The following AJAP1 variants were observed in gnomAD, a reference collection of about 807,000 sequenced individuals.
AJAP1 encodes the protein adherens junctions associated protein 1, also known as adherens junction-associated protein 1.
AJAP1 carries 5 observed loss-of-function variants against 35.0 expected under a neutral mutation model. That is an observed-to-expected ratio of 0.14 (90% CI 0.07 to 0.30). The LOEUF is 0.30. AJAP1 is among the 10% of genes least tolerant of loss of function. The probability of loss-of-function intolerance (pLI) is 1.00; values close to 1 mark genes in which losing one functional copy is unlikely to be tolerated. For synonymous variants in AJAP1, 284 were observed against 249.3 expected (o/e 1.14, Z -1.31); for missense variants, 586 against 571.0 (o/e 1.03, Z -0.27).
intron 1 of AJAP1, among the ~76,000 whole-genome samples, chr1:4,699,549 T>A (rs1465954320): frequency 2.0e-5 from 3 of 152,160 alleles, no homozygotes; most frequent in Non-Finnish European, 4.4e-5. Flanking sequence ...CCATCAAGAA[T>A]GAGCTATAGC....
At chr1:4,675,469 C>T (rs1219163761) in intron 1 of AJAP1, among the ~76,000 whole-genome samples, 1 of 152,320 alleles carries the variant, frequency 6.6e-6, no homozygotes, top group East Asian at 1.9e-4. Context: ...GGGGAAGCCC[C>T]TGGCCTTGGT....
Position 4,712,659 on chromosome 1 carries a change from G to A in AJAP1, c.789G>A (p.Gly263=), listed in dbSNP as rs1570144920. The A allele has an allele frequency of 6.6e-7, 1 of 1,525,884 alleles. No homozygotes were observed. The highest frequency in any genetic ancestry group is 1.4e-5 in the African/African-American group (1 of 72,184). The allele number at this position is 1,525,884 out of a possible 1,614,324, so 94.5% of individuals were successfully genotyped here. The change falls in exon 2 of 6, where the codon GGG becomes GGA. Residue 263 remains glycine, a synonymous_variant. Coordinates refer to ENST00000378191, the MANE Select transcript of AJAP1 (RefSeq NM_018836.4). ...CTTCCACCAGTCCCAGCAACAACGG[G>A]GAAGTCACCCAGCCCCCAAGGATTC... ...TEPSTSPSNN[G]EVTQPPRILG...
At chr1:4,763,082 A>G (rs1022519114) in intron 2 of AJAP1, among the ~76,000 whole-genome samples, 1 of 152,206 alleles carries the variant, frequency 6.6e-6, no homozygotes, top group Non-Finnish European at 1.5e-5. Flanking sequence ...CCTCCAACCC[A>G]AGGCTTCAGC....
intron 1 of AJAP1, among the ~76,000 whole-genome samples, chr1:4,703,055 G>A (rs147121473): frequency 6.6e-6 from 1 of 152,128 alleles, no homozygotes; most frequent in Non-Finnish European, 1.5e-5. Context: ...CGCTGGACGT[G>A]TCCGGGCCTG....
rs1642154638 is a variant in AJAP1 at position 4,785,991 on chromosome 1, T to C, written c.*3506T>C. 1.3e-5 allele frequency: 2 copies of C among 152,340 alleles called. No individual in the cohort carries two copies. The highest frequency in any genetic ancestry group is 1.3e-4 in the Admixed American group (2 of 15,306). The allele number at this position is 152,340 out of a possible 1,614,324, so 9.4% of individuals were successfully genotyped here. On this transcript the variant is annotated 3_prime_UTR_variant, in exon 6 of 6. Coordinates refer to ENST00000378191, the MANE Select transcript of AJAP1 (RefSeq NM_018836.4). ...AAAGTCGCTGCTAGTCTTCACACGCTTGATGTCACTTTGTCTGATTGGAAT... is the reference window on the plus strand; with the variant it reads ...AAAGTCGCTGCTAGTCTTCACACGCCTGATGTCACTTTGTCTGATTGGAAT...
At chr1:4,725,438 G>A (rs1640632535) in intron 2 of AJAP1, among the ~76,000 whole-genome samples, 2 of 152,168 alleles carry the variant, frequency 1.3e-5, no homozygotes, top group Admixed American at 6.5e-5. Context: ...GGTGCCTGGC[G>A]AGGGCTTGCT....
chr1:4,766,783 C>A (rs1390406926), intron 2 of AJAP1, among the ~76,000 whole-genome samples: 1 of 152,142 alleles, frequency 6.6e-6, no homozygotes, highest in Non-Finnish European at 1.5e-5. Context: ...CTTGGGGACA[C>A]TGGAGCAGAG....
intron 4 of AJAP1, 86 bp from the exon 5 acceptor site, chr1:4,774,341 C>T: frequency 7.9e-7 from 1 of 1,260,550 alleles, no homozygotes; most frequent in South Asian, 1.2e-5. Flanking sequence ...AGAAGCCAGT[C>T]CCCACCACAG....
At chr1:4,759,743 T>C (rs368420) in intron 2 of AJAP1, among the ~76,000 whole-genome samples, 114,075 of 152,142 alleles carry the variant, frequency 0.75, 43,500 homozygotes, top group African/African-American at 0.81. Flanking sequence ...TTGCCATTTG[T>C]TTAGAGGTTT....
chr1:4,733,194 G>T (rs1640840151), intron 2 of AJAP1, among the ~76,000 whole-genome samples: 1 of 152,008 alleles, frequency 6.6e-6, no homozygotes, highest in Non-Finnish European at 1.5e-5. Context: ...AACCCCCAGG[G>T]CTTGGCTCAG....
chr1:4,754,777 C>G (rs186834211), intron 2 of AJAP1, among the ~76,000 whole-genome samples: 4 of 152,188 alleles, frequency 2.6e-5, no homozygotes, highest in African/African-American at 9.6e-5. Flanking sequence ...AAGGAGTGGC[C>G]GTTTTCCTAT....
chr1:4,778,449 C>T (rs1307606039), intron 5 of AJAP1, among the ~76,000 whole-genome samples: 3 of 152,184 alleles, frequency 2.0e-5, no homozygotes, highest in Non-Finnish European at 4.4e-5. Context: ...GCATGGACAA[C>T]ATGAGAGCCT....
At chr1:4,719,184 G>A (rs960134740) in intron 2 of AJAP1, among the ~76,000 whole-genome samples, 22 of 152,138 alleles carry the variant, frequency 1.4e-4, no homozygotes, top group Admixed American at 6.5e-5. Context: ...GTGTTACAAG[G>A]ACCAGTTTTA....
At chr1:4,663,590 G>T (rs893594026) in intron 1 of AJAP1, among the ~76,000 whole-genome samples, 1 of 152,170 alleles carries the variant, frequency 6.6e-6, no homozygotes, top group African/African-American at 2.4e-5. Flanking sequence ...GGAGGGTGGC[G>T]CCTGGAGGAG....
intron 2 of AJAP1, among the ~76,000 whole-genome samples, chr1:4,748,407 G>C (rs571295884): frequency 6.6e-6 from 1 of 152,160 alleles, no homozygotes; most frequent in Non-Finnish European, 1.5e-5. Context: ...CTGCCTAGGC[G>C]TCGGCCTCTG....
rs537274295 is a variant in AJAP1, at chr1:4,785,106, C to G, written c.*2621C>G. 2 of 152,374 alleles carry G rather than the reference C, an allele frequency of 1.3e-5. No homozygotes were observed. The highest frequency in any genetic ancestry group is 6.5e-5 in the Admixed American group (1 of 15,290). 9.4% of individuals were successfully genotyped at this position (152,374 alleles called of 1,614,324 possible). A position where few individuals can be genotyped will look rare whatever the true frequency, so the allele number is the denominator to read the frequency against. ...GGACTCCTGGTATCTGCTCTGTCAA[C>G]TCCCAGCTGCTCAGCCCCCTTCTCT... On this transcript the variant is annotated 3_prime_UTR_variant, in exon 6 of 6. Coordinates refer to ENST00000378191, the MANE Select transcript of AJAP1 (RefSeq NM_018836.4).
Position 4,712,571 on chromosome 1 carries a change from A to G in AJAP1, c.701A>G (p.Lys234Arg), listed in dbSNP as rs762432479. Residue 234 changes from lysine (K) to arginine (R), a missense_variant, in exon 2 of 6, where the codon AAG (lysine) becomes AGG (arginine). By Grantham distance (26) the Lys-to-Arg change is conservative. Transcript: ENST00000378191. ...GCCACCCCCATGACGCTGCAGACTA[A>G]GGGGTTCACCGAGTCCTTGGATCCC... Reference protein sequence around the residue: ...TTATPMTLQTKGFTESLDPRR... With the variant: ...TTATPMTLQTRGFTESLDPRR... 1 of 1,611,252 alleles carries G rather than the reference A, an allele frequency of 6.2e-7. No homozygotes were observed. The highest frequency in any genetic ancestry group is 8.5e-7 in the Non-Finnish European group (1 of 1,178,766).
chr1:4,752,217 C>T (rs961293824), intron 2 of AJAP1, among the ~76,000 whole-genome samples: 1 of 148,458 alleles, frequency 6.7e-6, no homozygotes, highest in South Asian at 2.2e-4. Context: ...GGAGGAGGGA[C>T]AGGGGGATGA....
At chr1:4,777,990 G>A (rs973242345) in intron 5 of AJAP1, among the ~76,000 whole-genome samples, 4 of 152,120 alleles carry the variant, frequency 2.6e-5, no homozygotes, top group Non-Finnish European at 4.4e-5. Context: ...GCTCTGCCCC[G>A]GGGACACCTG....
Sources: gnomAD v4.1 joint callset for allele counts (sites outside exome capture counted in the v4.1 genomes callset) on GRCh38, gnomAD v4.1.1 for gene constraint, MANE v1.5 for transcripts, NCBI Gene and HGNC (gene_info 2026-07-23, HGNC 2026-07-21) for gene names.